The following FUCA2 variants were observed in gnomAD, a reference collection of about 807,000 sequenced individuals.
FUCA2 encodes the protein plasma alpha-L-fucosidase.
A neutral mutation model predicts 52.6 loss-of-function variants in FUCA2; 41 were observed. That is an observed-to-expected ratio of 0.78 (90% confidence interval 0.61 to 1.01). The LOEUF is 1.01. FUCA2 is among the 50% of genes least tolerant of loss of function. The pLI, the probability that FUCA2 is intolerant of heterozygous loss-of-function variation, is 0.00. For missense variants in FUCA2, 507 were observed against 569.5 expected (o/e 0.89, Z 1.12); for synonymous variants, 211 against 217.3 (o/e 0.97, Z 0.26).
rs1314883932 is a variant in FUCA2, at chr6:143,507,730, T to C, written c.225-306A>G. ...TGTCACTCAGGTTGGAATGCAGTAA[T>C]GGAATCATGGTTCACTGCAACCTTG... On this transcript the variant is annotated intron_variant, in intron 1 of 6. Coordinates refer to ENST00000002165, the MANE Select transcript of FUCA2 (RefSeq NM_032020.5). This position sits in a 1 kb window ranked among gnomAD's most constrained non-coding sequence, Gnocchi z 4.5. Among the ~76,000 whole-genome samples, 1 of 152,142 alleles carries C rather than the reference T, an allele frequency of 6.6e-6. No homozygotes were observed. The highest frequency in any genetic ancestry group is 6.5e-5 in the Admixed American group (1 of 15,274).
At position 143,501,949 on chromosome 6, in the gene FUCA2, A is replaced by C. The variant is rs139022968; in HGVS notation, c.1137T>G (p.Thr379=). The C allele has an allele frequency of 6.2e-6, 10 of 1,613,500 alleles. No homozygotes were observed. In the African/African-American group the frequency reaches 1.1e-4, roughly 17 times the overall value. ...ETHTWRSQND[T]VTPDVWYTSK... Reference sequence around the variant, plus strand: ...TGACTTACCACACATCTGGGGTGACAGTGTCATTCTGGGATCGCCAGGTAT... The same window carrying C: ...TGACTTACCACACATCTGGGGTGACCGTGTCATTCTGGGATCGCCAGGTAT... Residue 379 remains threonine (T), a synonymous_variant, in exon 5 of 7, where the codon ACT becomes ACG. Transcript: ENST00000002165. The surrounding 1 kb of genome is among the most constrained non-coding windows in gnomAD (Gnocchi z 6.1).
In FUCA2 at chr6:143,502,809, C is replaced by G; in HGVS notation, c.753-244G>C. The G allele has an allele frequency of 2.4e-6, 1 of 424,624 alleles. No homozygotes were observed. The highest frequency in any genetic ancestry group is 4.0e-5 in the South Asian group (1 of 24,998). The allele number at this position is 424,624 out of a possible 1,614,324, so 26.3% of individuals were successfully genotyped here. On this transcript the variant is annotated intron_variant, in intron 3 of 6. Transcript: ENST00000002165. The surrounding 1 kb of genome is among the most constrained non-coding windows in gnomAD (Gnocchi z 4.1). ...TCCTCTGAATAATGAATTTCCTCATCTATGATTAGAACAAAAATAAGTTAT... is the reference window on the plus strand; with the variant it reads ...TCCTCTGAATAATGAATTTCCTCATGTATGATTAGAACAAAAATAAGTTAT...
rs1177562463 is a variant in FUCA2 at position 143,509,188 on chromosome 6, T to A, written c.225-1764A>T. On this transcript the variant is annotated intron_variant, in intron 1 of 6. Transcript: ENST00000002165. This position sits in a 1 kb window ranked among gnomAD's most constrained non-coding sequence, Gnocchi z 5.4. ...ATGCTGAGAGATGAAAAGAGGCATT[T>A]ATGGTAAAGGTCTATCATTTATATT... Among the ~76,000 whole-genome samples the A allele has an allele frequency of 6.6e-6, 1 of 152,232 alleles. No homozygotes were observed. The highest frequency in any genetic ancestry group is 1.5e-5 in the Non-Finnish European group (1 of 68,050).
rs1233049056 is a variant in FUCA2, at chr6:143,504,138, C to T, written c.527G>A (p.Arg176His). The T allele has an allele frequency of 5.0e-6, 8 of 1,614,032 alleles. No homozygotes were observed. The highest frequency in any genetic ancestry group is 2.2e-5 in the East Asian group (1 of 44,898). The change falls in exon 3 of 7, where the codon CGT becomes CAT. Residue 176 changes from arginine (R) to histidine (H), a missense_variant. Coordinates refer to ENST00000002165, the MANE Select transcript of FUCA2 (RefSeq NM_032020.5). The surrounding 1 kb of genome is among the most constrained non-coding windows in gnomAD (Gnocchi z 4.4). ...AAAAAGGGAATAGTACAGTCCAAAA[C>T]GCAGGTCAGTTCTGTTCCTAATGGC... is the stretch of plus-strand genomic sequence containing the variant. ...EVAIRNRTDL[R>H]FGLYYSLFEW...
chr6:143,507,322 T>C lies in FUCA2; in HGVS notation c.327A>G (p.Ala109=). The C allele has an allele frequency of 1.9e-6, 3 of 1,610,516 alleles. No homozygotes were observed. The highest frequency in any genetic ancestry group is 2.5e-6 in the Non-Finnish European group (3 of 1,179,258). Residue 109 remains alanine (A), a synonymous_variant, in exon 2 of 7, where the codon GCA becomes GCG. Transcript: ENST00000002165. This position sits in a 1 kb window ranked among gnomAD's most constrained non-coding sequence, Gnocchi z 4.5. Reference sequence around the variant, plus strand: ...CCCACTGGTTGGCATTAAAAAATTTTGCTGTAAATAGTGGTCCAAAATCTT... The same window carrying C: ...CCCACTGGTTGGCATTAAAAAATTTCGCTGTAAATAGTGGTCCAAAATCTT... ...KYEDFGPLFT[A]KFFNANQWAD...
rs1421385720 is a variant in FUCA2, at chr6:143,503,972, T to G, written c.693A>C (p.Gly231=). ...TGTTCCAGTATTGATCCGGTGCTCC[T>G]CCGTCACCATCCGACCACAGAACCT... ...QPEVLWSDGD[G]GAPDQYWNST... is the part of the protein sequence containing the mutation. The change falls in exon 3 of 7, where the codon GGA becomes GGC. Residue 231 remains glycine, a synonymous_variant. Transcript: ENST00000002165. This position sits in a 1 kb window ranked among gnomAD's most constrained non-coding sequence, Gnocchi z 4.8. 1 of 1,614,068 alleles carries G rather than the reference T, an allele frequency of 6.2e-7. No individual in the cohort carries two copies.
Position 143,504,310 on chromosome 6 carries a change from A to C in FUCA2, c.413-58T>G. 8.4e-6 allele frequency: 12 copies of C among 1,420,462 alleles called. No individual in the cohort carries two copies. In the South Asian group the frequency reaches 1.6e-4, roughly 19 times the overall value. 88.0% of individuals were successfully genotyped at this position (1,420,462 alleles called of 1,614,324 possible). A position where few individuals can be genotyped will look rare whatever the true frequency, so the allele number is the denominator to read the frequency against. On this transcript the variant is annotated intron_variant, in intron 2 of 6. Transcript: ENST00000002165. This position sits in a 1 kb window ranked among gnomAD's most constrained non-coding sequence, Gnocchi z 4.4. ...TGTCAACTTTATTTTAGTAAATTTCAACCCACACAAATGCCCAAACAAATC... is the reference window on the plus strand; with the variant it reads ...TGTCAACTTTATTTTAGTAAATTTCCACCCACACAAATGCCCAAACAAATC...
In FUCA2 at chr6:143,495,921, G is replaced by T; in HGVS notation, c.1264-74C>A. On this transcript the variant is annotated intron_variant, in intron 6 of 6. Transcript: ENST00000002165. This position sits in a 1 kb window ranked among gnomAD's most constrained non-coding sequence, Gnocchi z 5.2. ...CTCACCCACTTTCTATTGGGAAGGA[G>T]TGATTAGTAGTTCAAACAAAATTGT... The T allele has an allele frequency of 1.3e-6, 2 of 1,484,600 alleles. No individual in the cohort carries two copies. The highest frequency in any genetic ancestry group is 2.3e-5 in the East Asian group (1 of 43,898). 92.0% of individuals were successfully genotyped at this position (1,484,600 alleles called of 1,614,324 possible). A position where few individuals can be genotyped will look rare whatever the true frequency, so the allele number is the denominator to read the frequency against.
chr6:143,511,668 C>G lies in FUCA2; in HGVS notation c.-34G>C. ...GCAGGCCGGCTGTCCTCTCTGCAGGCTCCCGCGGCCTCGGGAGCGCTGTTC... is the reference window on the plus strand; with the variant it reads ...GCAGGCCGGCTGTCCTCTCTGCAGGGTCCCGCGGCCTCGGGAGCGCTGTTC... On this transcript the variant is annotated 5_prime_UTR_variant, in exon 1 of 7. Transcript: ENST00000002165. The surrounding 1 kb of genome is among the most constrained non-coding windows in gnomAD (Gnocchi z 6.3). 7.0e-7 allele frequency: 1 copy of G among 1,433,762 alleles called. No homozygotes were observed. Among genetic ancestry groups the G allele is most frequent in the African/African-American group, 1.5e-5 (1 of 68,286 alleles). 88.8% of individuals were successfully genotyped at this position (1,433,762 alleles called of 1,614,324 possible).
Position 143,504,302 on chromosome 6 carries a change from T to C in FUCA2, c.413-50A>G, listed in dbSNP as rs774332258. ...TGTAAGCATGTCAACTTTATTTTAG[T>C]AAATTTCAACCCACACAAATGCCCA... On this transcript the variant is annotated intron_variant, in intron 2 of 6. Transcript: ENST00000002165. This position sits in a 1 kb window ranked among gnomAD's most constrained non-coding sequence, Gnocchi z 4.4. The C allele has an allele frequency of 1.3e-6, 2 of 1,492,078 alleles. No individual in the cohort carries two copies. The highest frequency in any genetic ancestry group is 1.4e-5 in the African/African-American group (1 of 71,604). 92.4% of individuals were successfully genotyped at this position (1,492,078 alleles called of 1,614,324 possible).
In FUCA2 at chr6:143,502,152, A is replaced by C; in HGVS notation, c.964-30T>G. On this transcript the variant is annotated intron_variant, in intron 4 of 6. Coordinates refer to ENST00000002165, the MANE Select transcript of FUCA2 (RefSeq NM_032020.5). The surrounding 1 kb of genome is among the most constrained non-coding windows in gnomAD (Gnocchi z 4.1). ...AAAATTAAGAATAATGTTTTTAGAT[A>C]AATAAAATAATTCCATCTTTAATGT... 2 of 1,518,342 alleles carry C rather than the reference A, an allele frequency of 1.3e-6. No individual in the cohort carries two copies. The highest frequency in any genetic ancestry group is 4.8e-5 in the East Asian group (2 of 41,606). 94.1% of individuals were successfully genotyped at this position (1,518,342 alleles called of 1,614,324 possible).
In FUCA2 at chr6:143,495,659, G is replaced by T. The variant is rs753845716; in HGVS notation, c.*48C>A. 3.3e-5 allele frequency: 52 copies of T among 1,573,660 alleles called. 2 individuals carry two copies. In the South Asian group the frequency reaches 5.7e-4, roughly 17 times the overall value. On this transcript the variant is annotated 3_prime_UTR_variant, in exon 7 of 7. Coordinates refer to ENST00000002165, the MANE Select transcript of FUCA2 (RefSeq NM_032020.5). The surrounding 1 kb of genome is among the most constrained non-coding windows in gnomAD (Gnocchi z 5.2). ...GTGCTACAATTATAGACACCTGATA[G>T]TTCCTAGCCTTAGACATAACTTGCA...
chr6:143,502,273 A>G lies in FUCA2; in HGVS notation c.963+82T>C. 1 of 1,437,568 alleles carries G rather than the reference A, an allele frequency of 7.0e-7. No homozygotes were observed. Among genetic ancestry groups the G allele is most frequent in the Admixed American group, 1.8e-5 (1 of 54,738 alleles). The allele number at this position is 1,437,568 out of a possible 1,614,324, so 89.1% of individuals were successfully genotyped here. On this transcript the variant is annotated intron_variant, in intron 4 of 6. Transcript: ENST00000002165. The surrounding 1 kb of genome is among the most constrained non-coding windows in gnomAD (Gnocchi z 4.1). ...GAACAATGTCCTATATTTATAGGCCATTGAGCCATAGAAGAAATAATTCCT... is the reference window on the plus strand; with the variant it reads ...GAACAATGTCCTATATTTATAGGCCGTTGAGCCATAGAAGAAATAATTCCT...
Position 143,495,733 on chromosome 6 carries a change from C to T in FUCA2, c.1378G>A (p.Ala460Thr), listed in dbSNP as rs775711590. The change falls in exon 7 of 7, where the codon GCT becomes ACT. Residue 460 changes from alanine to threonine, a missense_variant. Ala to Thr is a moderately conservative substitution (Grantham distance 58). Coordinates refer to ENST00000002165, the MANE Select transcript of FUCA2 (RefSeq NM_032020.5). This position sits in a 1 kb window ranked among gnomAD's most constrained non-coding sequence, Gnocchi z 5.2. ...TAGATCACATTAGTCAGGGCTAGAG[C>T]CCAGCCCCATTTACACGGCATCTGA... ...IHQMPCKWGW[A>T]LALTNVI 11 of 1,614,012 alleles carry T rather than the reference C, an allele frequency of 6.8e-6. No homozygotes were observed. The highest frequency in any genetic ancestry group is 3.3e-5 in the Admixed American group (2 of 60,002).
At chr6:143,505,996 A>G (rs1780601003) in intron 2 of FUCA2, 1 of 152,158 alleles carries the variant, frequency 6.6e-6, no homozygotes, top group Non-Finnish European at 1.5e-5. Flanking sequence ...GACATCAGGA[A>G]ATCAGCATGT....
In FUCA2 at chr6:143,510,723, T is replaced by C. The variant is rs1312118590; in HGVS notation, c.224+688A>G. Among the ~76,000 whole-genome samples, 2 of 151,738 alleles carry C rather than the reference T, an allele frequency of 1.3e-5. No homozygotes were observed. The highest frequency in any genetic ancestry group is 4.9e-5 in the African/African-American group (2 of 41,022). ...TCTGTTTTGAAGGACTTAATACTTG[T>C]AGCATTTAGTCAGAAAAGACATGTG... On this transcript the variant is annotated intron_variant, in intron 1 of 6. Coordinates refer to ENST00000002165, the MANE Select transcript of FUCA2 (RefSeq NM_032020.5). The surrounding 1 kb of genome is among the most constrained non-coding windows in gnomAD (Gnocchi z 4.4).
chr6:143,511,370 G>T lies in FUCA2; in HGVS notation c.224+41C>A. 1 of 1,547,880 alleles carries T rather than the reference G, an allele frequency of 6.5e-7. No individual in the cohort carries two copies. On this transcript the variant is annotated intron_variant, in intron 1 of 6. Coordinates refer to ENST00000002165, the MANE Select transcript of FUCA2 (RefSeq NM_032020.5). The surrounding 1 kb of genome is among the most constrained non-coding windows in gnomAD (Gnocchi z 6.3). ...GTGGTGGCTGGAGGCTGCGGGTGGG[G>T]ACAAAAGCGCGGCAGACGAGACAAA...
At chr6:143,505,684 C>T (rs1343328981) in intron 2 of FUCA2, 2 of 152,158 alleles carry the variant, frequency 1.3e-5, no homozygotes, top group African/African-American at 4.8e-5. Flanking sequence ...TGGTAAGCTT[C>T]AGAGCAGTGT....
Position 143,502,357 on chromosome 6 carries a change from T to G in FUCA2, c.961A>C (p.Lys321Gln), listed in dbSNP as rs1374172351. ...SDYLTIEELV[K>Q]QLVETVSCGG... The stretch of plus-strand genomic sequence containing the variant: ...AGCCACCAGACATTTCACTGTACCT[T>G]CACCAATTCTTCAATTGTAAGATAG... The change falls in exon 4 of 7, where the codon AAG becomes CAG. Residue 321 changes from lysine to glutamine, a missense_variant and splice_region_variant. Transcript: ENST00000002165. The surrounding 1 kb of genome is among the most constrained non-coding windows in gnomAD (Gnocchi z 4.1). 3 of 1,613,564 alleles carry G rather than the reference T, an allele frequency of 1.9e-6. No homozygotes were observed. Among genetic ancestry groups the G allele is most frequent in the Middle Eastern group, 1.7e-4 (1 of 5,972 alleles).
Sources: gnomAD v4.1 joint callset for allele counts (sites outside exome capture counted in the v4.1 genomes callset) on GRCh38, gnomAD v4.1.1 for gene constraint, Gnocchi (gnomAD v3.1) non-coding constraint, MANE v1.5 for transcripts, NCBI Gene and HGNC (gene_info 2026-07-23, HGNC 2026-07-21) for gene names.